RIMS1: variants seen among roughly 807,000 people sequenced by gnomAD.
RIMS1 encodes the protein regulating synaptic membrane exocytosis 1.
In RIMS1, 83 loss-of-function variants were observed where a neutral mutation model predicts 214.1. The observed-to-expected ratio is 0.39, with a 90% CI of 0.32 to 0.47. RIMS1 has a LOEUF of 0.47. Among genes scored for constraint, RIMS1 ranks in the 20% least tolerant of loss-of-function variants. The pLI, the probability that RIMS1 is intolerant of heterozygous loss-of-function variation, is 0.99. For missense variants in RIMS1, 2,050 were observed against 2,161.8 expected (o/e 0.95, Z 1.03); for synonymous variants, 793 against 786.8 (o/e 1.01, Z -0.13).
chr6:72,367,211 A>G (rs1482226671), intron 29 of RIMS1, among the ~76,000 whole-genome samples: 1 of 152,208 alleles, frequency 6.6e-6, no homozygotes, highest in African/African-American at 2.4e-5. Flanking sequence ...CATTACTACC[A>G]AAACATAAAT....
At chr6:72,365,670 A>G (rs1288205493) in intron 29 of RIMS1, 2 of 152,064 alleles carry the variant, frequency 1.3e-5, no homozygotes, top group Non-Finnish European at 2.9e-5. Flanking sequence ...AAAAATGATC[A>G]CTCTTGCTGA....
chr6:72,277,022 ATCT>A (rs1289166134), intron 23 of RIMS1, among the ~76,000 whole-genome samples: 1 of 152,232 alleles, frequency 6.6e-6, no homozygotes, highest in Non-Finnish European at 1.5e-5. Flanking sequence ...AACTTTGGAT[ATCT>A]TCTATCAGGG....
At chr6:72,098,034 T>C (rs1485551383) in intron 3 of RIMS1, among the ~76,000 whole-genome samples, 1 of 152,188 alleles carries the variant, frequency 6.6e-6, no homozygotes, top group Non-Finnish European at 1.5e-5. Flanking sequence ...AGCATGTAGC[T>C]AAAGAATTCC....
chr6:71,950,437 G>T (rs1229966264), intron 1 of RIMS1, among the ~76,000 whole-genome samples: 1 of 152,094 alleles, frequency 6.6e-6, no homozygotes, highest in Admixed American at 6.6e-5. Context: ...AACTAGTCAA[G>T]AATTGCAACC....
At chr6:72,097,829 TA>T (rs1365831284) in intron 3 of RIMS1, among the ~76,000 whole-genome samples, 1 of 152,196 alleles carries the variant, frequency 6.6e-6, no homozygotes, top group African/African-American at 2.4e-5. Context: ...TTTGAAGCGT[TA>T]AGATGCTAAT....
chr6:72,139,112 G>A (rs1222585084), intron 4 of RIMS1, among the ~76,000 whole-genome samples: 1 of 152,076 alleles, frequency 6.6e-6, no homozygotes, highest in East Asian at 1.9e-4. Flanking sequence ...GTTTCTGTGT[G>A]TCTGTGTGTG....
At chr6:72,081,231 C>G (rs914467730) in intron 2 of RIMS1, among the ~76,000 whole-genome samples, 2 of 151,972 alleles carry the variant, frequency 1.3e-5, no homozygotes, top group Non-Finnish European at 2.9e-5. Flanking sequence ...AGGAAATGAC[C>G]AAAAATAGAT....
At chr6:72,283,770 GATC>G (rs929708039) in intron 23 of RIMS1, among the ~76,000 whole-genome samples, 5 of 152,132 alleles carry the variant, frequency 3.3e-5, no homozygotes, top group African/African-American at 1.2e-4. Flanking sequence ...GTTCATATTA[GATC>G]ATTGTTGTAG....
intron 6 of RIMS1, among the ~76,000 whole-genome samples, chr6:72,227,501 C>CT (rs1393360936): frequency 2.4e-4 from 37 of 152,024 alleles, no homozygotes; most frequent in African/African-American, 8.4e-4. Context: ...TTCCATATAA[C>CT]TGCTTTGTAG....
At chr6:72,142,988 T>A (rs956498738) in intron 4 of RIMS1, among the ~76,000 whole-genome samples, 4 of 152,052 alleles carry the variant, frequency 2.6e-5, no homozygotes, top group Non-Finnish European at 5.9e-5. Context: ...AGCAGGCTAT[T>A]TTTGCAAATT....
At chr6:72,378,373 G>T (rs1272744294) in intron 29 of RIMS1, among the ~76,000 whole-genome samples, 2 of 152,204 alleles carry the variant, frequency 1.3e-5, no homozygotes, top group Admixed American at 1.3e-4. Context: ...GAAGTACAGA[G>T]AATCTATTCC....
chr6:72,336,637 C>T (rs2096854183), intron 29 of RIMS1, among the ~76,000 whole-genome samples: 1 of 151,704 alleles, frequency 6.6e-6, no homozygotes, highest in Non-Finnish European at 1.5e-5. Context: ...ATGGGATGTC[C>T]TCCTGTGAAC....
chr6:71,982,416 C>T (rs534027941), intron 2 of RIMS1, among the ~76,000 whole-genome samples: 1 of 152,200 alleles, frequency 6.6e-6, no homozygotes, highest in East Asian at 1.9e-4. Flanking sequence ...CTACTTTACA[C>T]ATAAGAGTGC....
chr6:72,088,295 C>T (rs1835228735), intron 2 of RIMS1, among the ~76,000 whole-genome samples: 1 of 151,624 alleles, frequency 6.6e-6, no homozygotes, highest in Admixed American at 6.6e-5. Context: ...GTCACCCAGG[C>T]TGAAGTGCAA....
chr6:72,060,489 T>G (rs1827584085), intron 2 of RIMS1, among the ~76,000 whole-genome samples: 1 of 152,152 alleles, frequency 6.6e-6, no homozygotes, highest in Non-Finnish European at 1.5e-5. Context: ...CCTCTACCTG[T>G]TTTGTTCTGC....
At chr6:71,938,603 A>G (rs1013833560) in intron 1 of RIMS1, among the ~76,000 whole-genome samples, 14 of 152,110 alleles carry the variant, frequency 9.2e-5, no homozygotes, top group Non-Finnish European at 1.5e-4. Context: ...TGGAGTGGCC[A>G]CAGAGCACTG....
intron 6 of RIMS1, among the ~76,000 whole-genome samples, chr6:72,204,060 T>A (rs2052495529): frequency 6.6e-6 from 1 of 152,224 alleles, no homozygotes; most frequent in Non-Finnish European, 1.5e-5. Flanking sequence ...AATCCAGGTA[T>A]GTTTTGGAAC....
intron 4 of RIMS1, among the ~76,000 whole-genome samples, chr6:72,149,268 A>G (rs2043180666): frequency 2.0e-5 from 3 of 152,196 alleles, no homozygotes; most frequent in Admixed American, 6.5e-5. Flanking sequence ...CACCTTTAAC[A>G]TTATAAAAGA....
At chr6:71,959,046 T>C (rs1483545400) in intron 1 of RIMS1, among the ~76,000 whole-genome samples, 1 of 152,116 alleles carries the variant, frequency 6.6e-6, no homozygotes, top group African/African-American at 2.4e-5. Context: ...CTTTTTTTGG[T>C]CATATTTTAG....
Sources: allele counts gnomAD v4.1 joint callset (sites outside exome capture counted in the v4.1 genomes callset), GRCh38; gene constraint gnomAD v4.1.1; transcripts MANE v1.5; gene names NCBI Gene and HGNC (gene_info 2026-07-23, HGNC 2026-07-21).